Variants in SNTG2 observed in about 807,000 individuals in gnomAD.
SNTG2 encodes syntrophin gamma 2.
Under a neutral mutation model 70.9 loss-of-function variants are expected in SNTG2, and 74 were observed. The observed-to-expected ratio is 1.04, with a 90% CI of 0.86 to 1.27. The LOEUF (loss-of-function observed/expected upper bound fraction) is 1.27. Ranked by LOEUF, SNTG2 falls within the 50% of genes most tolerant of loss-of-function variation. SNTG2 has a pLI of 0.00. For missense variants in SNTG2, 717 were observed against 690.7 expected, an observed-to-expected ratio of 1.04 and a Z score of -0.43; for synonymous variants, 278 against 273.8, an observed-to-expected ratio of 1.02 and a Z score of -0.15.
intron 4 of SNTG2, among the ~76,000 whole-genome samples, chr2:1,137,334 C>T (rs533806684): frequency 1.3e-5 from 2 of 151,920 alleles, no homozygotes; most frequent in African/African-American, 4.8e-5. Context: ...GACACATGCA[C>T]ACACACATCC....
At chr2:975,655 A>G (rs34940532) in intron 1 of SNTG2, among the ~76,000 whole-genome samples, 47,305 of 151,976 alleles carry the variant, frequency 0.31, 7,663 homozygotes, top group Middle Eastern at 0.4. Context: ...GACAAAAAAT[A>G]CCTACTGTGT....
rs567924207 is a variant in SNTG2 at position 1,308,540 on chromosome 2, C to T, written c.1331C>T (p.Thr444Met). 59 of 1,551,638 alleles carry T rather than the reference C, an allele frequency of 3.8e-5. No homozygotes were observed. The highest frequency in any genetic ancestry group is 3.7e-4 in the East Asian group (15 of 40,920). The change falls in exon 15 of 17, where the codon ACG (threonine) becomes ATG (methionine). Residue 444 changes from threonine to methionine, a missense_variant. Thr to Met is a moderately conservative substitution (Grantham distance 81). Transcript: ENST00000308624. The stretch of plus-strand genomic sequence containing the variant: ...TGGCAAGGAGAGATGCTGTGTTTCA[C>T]GGTGGATTTCGCGTTGGGATTTACC... ...CSWQGEMLCF[T>M]VDFALGFTCF...
intron 1 of SNTG2, among the ~76,000 whole-genome samples, chr2:955,429 A>T (rs1476123767): frequency 6.6e-6 from 1 of 152,208 alleles, no homozygotes; most frequent in Non-Finnish European, 1.5e-5. Flanking sequence ...TTATAAATTT[A>T]CTTTTCCTCT....
intron 1 of SNTG2, among the ~76,000 whole-genome samples, chr2:1,035,716 T>C (rs1661091405): frequency 6.6e-6 from 1 of 152,228 alleles, no homozygotes; most frequent in South Asian, 2.1e-4. Context: ...GGCACGATCC[T>C]CCTTTTGGGG....
intron 1 of SNTG2, among the ~76,000 whole-genome samples, chr2:1,002,192 C>G (rs1659418467): frequency 6.6e-6 from 1 of 152,048 alleles, no homozygotes; most frequent in Admixed American, 6.6e-5. Flanking sequence ...CTCTTCTGGA[C>G]ATTGCCATGA....
chr2:957,110 A>T (rs1660190588), intron 1 of SNTG2, among the ~76,000 whole-genome samples: 1 of 152,198 alleles, frequency 6.6e-6, no homozygotes, highest in South Asian at 2.1e-4. Flanking sequence ...CTTATACCTA[A>T]ACCTGGGGAC....
chr2:1,084,260 C>T (rs1664534881), intron 2 of SNTG2, among the ~76,000 whole-genome samples: 1 of 152,146 alleles, frequency 6.6e-6, no homozygotes, highest in Non-Finnish European at 1.5e-5. Context: ...GGGGGCATTT[C>T]CCCCCTTACT....
intron 6 of SNTG2, among the ~76,000 whole-genome samples, chr2:1,138,269 A>G (rs1336679341): frequency 6.6e-6 from 1 of 152,182 alleles, no homozygotes; most frequent in Non-Finnish European, 1.5e-5. Context: ...GCCGTGGAGG[A>G]CACCAGGTGA....
Position 1,170,650 on chromosome 2 carries a change from G to C in SNTG2, c.500-2442G>C, listed in dbSNP as rs1671067218. Among the ~76,000 whole-genome samples, 2 of 152,154 alleles carry C rather than the reference G, an allele frequency of 1.3e-5. 1 individual carries two copies. The highest frequency in any genetic ancestry group is 4.1e-4 in the South Asian group (2 of 4,830). The stretch of plus-strand genomic sequence containing the variant: ...CGCCCCCAATGTCGCGGGCATCGGT[G>C]CTGCATTCTCTTAGCTGAACAGCAT... On this transcript the variant is annotated intron_variant, in intron 7 of 16. Transcript: ENST00000308624.
intron 1 of SNTG2, among the ~76,000 whole-genome samples, chr2:986,649 G>A (rs546471712): frequency 6.6e-5 from 10 of 152,280 alleles, no homozygotes; most frequent in Non-Finnish European, 1.2e-4. Flanking sequence ...AAAGACTATC[G>A]GAGATTCTGT....
intron 15 of SNTG2, among the ~76,000 whole-genome samples, chr2:1,311,955 C>T (rs1284311406): frequency 2.0e-5 from 3 of 152,128 alleles, no homozygotes; most frequent in Non-Finnish European, 4.4e-5. Context: ...GGGAGGCCAA[C>T]CCAACTCATT....
At chr2:995,415 C>T (rs1210305108) in intron 1 of SNTG2, among the ~76,000 whole-genome samples, 1 of 151,976 alleles carries the variant, frequency 6.6e-6, no homozygotes, top group Non-Finnish European at 1.5e-5. Context: ...TGGTATAAAT[C>T]CCACTTAAAT....
At chr2:1,089,506 C>T (rs1237796281) in intron 2 of SNTG2, among the ~76,000 whole-genome samples, 1 of 152,188 alleles carries the variant, frequency 6.6e-6, no homozygotes, top group Non-Finnish European at 1.5e-5. Flanking sequence ...GTGATGGCAG[C>T]TCCCTGTAAT....
intron 8 of SNTG2, among the ~76,000 whole-genome samples, chr2:1,181,618 C>A (rs28583674): frequency 0.25 from 37,971 of 152,156 alleles, 5,267 homozygotes; most frequent in East Asian, 0.44. Flanking sequence ...GTAATGTTTT[C>A]TCTCTGTCCT....
intron 6 of SNTG2, among the ~76,000 whole-genome samples, chr2:1,149,983 C>T (rs1200641416): frequency 3.9e-5 from 6 of 152,132 alleles, no homozygotes; most frequent in Non-Finnish European, 7.3e-5. Flanking sequence ...CCACCGCGCC[C>T]AGCTGAAGTT....
At chr2:1,183,180 A>T (rs1289710838) in intron 8 of SNTG2, among the ~76,000 whole-genome samples, 3 of 152,220 alleles carry the variant, frequency 2.0e-5, no homozygotes, top group Non-Finnish European at 2.9e-5. Context: ...ATGCAGCAGT[A>T]GACTTTTTTA....
chr2:983,456 G>T (rs1661200954), intron 1 of SNTG2, among the ~76,000 whole-genome samples: 1 of 151,960 alleles, frequency 6.6e-6, no homozygotes, highest in African/African-American at 2.4e-5. Flanking sequence ...ATTTAATCAG[G>T]TGCTGCCTCC....
intron 1 of SNTG2, among the ~76,000 whole-genome samples, chr2:1,023,142 GT>G (rs72214044): frequency 1.5e-4 from 22 of 147,710 alleles, no homozygotes; most frequent in Admixed American, 2.0e-4. Context: ...ATTCACATAG[GT>G]TTTTTTTTTT....
chr2:1,314,904 G>A (rs181825810), intron 15 of SNTG2, among the ~76,000 whole-genome samples: 7 of 152,196 alleles, frequency 4.6e-5, no homozygotes, highest in African/African-American at 9.6e-5. Flanking sequence ...TCACTGTCAC[G>A]AGAACAGCAT....
Sources: gnomAD v4.1 joint callset for allele counts (sites outside exome capture counted in the v4.1 genomes callset) on GRCh38, gnomAD v4.1.1 for gene constraint, MANE v1.5 for transcripts, NCBI Gene and HGNC (gene_info 2026-07-23, HGNC 2026-07-21) for gene names.